The following NTNG2 variants were observed in gnomAD, a reference collection of about 807,000 sequenced individuals.
The protein encoded by NTNG2 is netrin G2.
In NTNG2, 15 loss-of-function variants were observed where a neutral mutation model predicts 47.6. That is an observed-to-expected ratio of 0.32 (90% CI 0.21 to 0.49). The LOEUF (loss-of-function observed/expected upper bound fraction) is 0.49. Among genes scored for constraint, NTNG2 ranks in the 20% least tolerant of loss-of-function variants. The pLI, the probability that NTNG2 is intolerant of heterozygous loss-of-function variation, is 0.99. For synonymous variants in NTNG2, 307 were observed against 324.6 expected (o/e 0.95, Z 0.58); for missense variants, 578 against 764.6 (o/e 0.76, Z 2.88).
At chr9:132,204,817 T>C (rs1200272985) in intron 3 of NTNG2, among the ~76,000 whole-genome samples, 1 of 152,210 alleles carries the variant, frequency 6.6e-6, no homozygotes, top group East Asian at 1.9e-4. Context: ...GGCTCGTGCC[T>C]GTAATCCTAG....
chr9:132,187,899 C>T (rs77832141), intron 2 of NTNG2, among the ~76,000 whole-genome samples: 3,813 of 152,314 alleles, frequency 0.025, 153 homozygotes, highest in African/African-American at 0.085. Flanking sequence ...GGGTCAGAGG[C>T]GGACAGCCCA....
At chr9:132,190,232 CAAAAAAAAAAAAAAAAA>C (rs58974463) in intron 2 of NTNG2, among the ~76,000 whole-genome samples, 21 of 69,918 alleles carry the variant, frequency 3.0e-4, no homozygotes, top group Admixed American at 1.8e-3. Flanking sequence ...GACTCCATCT[CAAAAAAAAAAAAAAAAA>C]AAAAAAAAAA....
intron 2 of NTNG2, among the ~76,000 whole-genome samples, chr9:132,186,923 A>C (rs1231013817): frequency 6.6e-6 from 1 of 152,250 alleles, no homozygotes; most frequent in African/African-American, 2.4e-5. Context: ...CCCAGAGTTC[A>C]CACTCACAGA....
At chr9:132,187,653 A>AG (rs1837509508) in intron 2 of NTNG2, among the ~76,000 whole-genome samples, 2 of 152,148 alleles carry the variant, frequency 1.3e-5, no homozygotes, top group African/African-American at 4.8e-5. Context: ...AGAGACCGTC[A>AG]GGGCCGCTAG....
intron 1 of NTNG2, among the ~76,000 whole-genome samples, chr9:132,164,518 G>A (rs1261527320): frequency 6.6e-6 from 1 of 152,274 alleles, no homozygotes; most frequent in Admixed American, 6.5e-5. Context: ...ACTGCTGGAA[G>A]AATTAATTAG....
At chr9:132,207,755 G>A (rs185298583) in intron 3 of NTNG2, among the ~76,000 whole-genome samples, 23 of 152,322 alleles carry the variant, frequency 1.5e-4, no homozygotes, top group Admixed American at 2.6e-4. Context: ...TAGTGGGAGA[G>A]CAGAAATCAA....
intron 2 of NTNG2, among the ~76,000 whole-genome samples, chr9:132,169,080 C>T (rs977320777): frequency 6.6e-6 from 1 of 152,238 alleles, no homozygotes; most frequent in African/African-American, 2.4e-5. Flanking sequence ...CAGCCAGCCT[C>T]AAGCCCTGGG....
chr9:132,205,097 A>G (rs528109204), intron 3 of NTNG2, among the ~76,000 whole-genome samples: 2 of 152,306 alleles, frequency 1.3e-5, no homozygotes, highest in African/African-American at 4.8e-5. Context: ...AGATTTAGCA[A>G]TTCCGCTCCT....
chr9:132,215,238 A>T lies in NTNG2; in HGVS notation c.858-11611A>T, dbSNP rs762262520. Among the ~76,000 whole-genome samples the T allele has an allele frequency of 1.3e-5, 2 of 152,058 alleles. No individual in the cohort carries two copies. The highest frequency in any genetic ancestry group is 2.4e-5 in the African/African-American group (1 of 41,396). Reference sequence around the variant, plus strand: ...TCAGTGTCCTGTATTTTTATTTGGGAAATCTGGCAACCATTGTGGCATGGG... The same window carrying T: ...TCAGTGTCCTGTATTTTTATTTGGGTAATCTGGCAACCATTGTGGCATGGG... On this transcript the variant is annotated intron_variant, in intron 3 of 7. Transcript: ENST00000393229. The surrounding 1 kb of genome is among the most constrained non-coding windows in gnomAD (Gnocchi z 4.2).
At chr9:132,205,461 C>T (rs991745477) in intron 3 of NTNG2, among the ~76,000 whole-genome samples, 7 of 151,982 alleles carry the variant, frequency 4.6e-5, no homozygotes, top group African/African-American at 1.2e-4. Flanking sequence ...TGGGGGAAGG[C>T]GGAATGGGGG....
intron 3 of NTNG2, among the ~76,000 whole-genome samples, chr9:132,223,208 A>G (rs569912303): frequency 4.6e-5 from 7 of 152,344 alleles, no homozygotes; most frequent in Non-Finnish European, 5.9e-5. Flanking sequence ...CCAAGGAGGA[A>G]GGCAGCCCTG....
chr9:132,205,921 A>C (rs1410495941), intron 3 of NTNG2, among the ~76,000 whole-genome samples: 1 of 152,160 alleles, frequency 6.6e-6, no homozygotes, highest in Non-Finnish European at 1.5e-5. Flanking sequence ...ATATACGTAT[A>C]TTTTAGCACA....
rs1359306379 is a variant in NTNG2, at chr9:132,224,587, C to T, written c.858-2262C>T. 2.0e-5 allele frequency among the ~76,000 whole-genome samples: 3 copies of T among 152,154 alleles called. No homozygotes were observed. In the East Asian group the frequency reaches 5.8e-4, roughly 29 times the overall value. On this transcript the variant is annotated intron_variant, in intron 3 of 7. Coordinates refer to ENST00000393229, the MANE Select transcript of NTNG2 (RefSeq NM_032536.4). ...TACTCACTGTTCCCAGCTCAGAGCC[C>T]CTGCCACATAACAGGTGCCTGATAA...
intron 4 of NTNG2, 133 bp downstream of exon 4, chr9:132,227,154 C>A: frequency 1.0e-6 from 1 of 987,000 alleles, no homozygotes; most frequent in East Asian, 2.8e-5. Context: ...TGCATGCAAA[C>A]GTGCACACAG....
intron 4 of NTNG2, among the ~76,000 whole-genome samples, chr9:132,228,732 G>GT (rs1261110334): frequency 6.6e-6 from 1 of 152,004 alleles, no homozygotes; most frequent in Non-Finnish European, 1.5e-5. Context: ...TAATTTTCGT[G>GT]TTTTTTTCAG....
At chr9:132,196,176 T>C (rs1838299440) in intron 2 of NTNG2, among the ~76,000 whole-genome samples, 1 of 152,208 alleles carries the variant, frequency 6.6e-6, no homozygotes, top group African/African-American at 2.4e-5. Flanking sequence ...TTGTTTGTTT[T>C]GTTTTGTTTT....
intron 3 of NTNG2, among the ~76,000 whole-genome samples, chr9:132,219,486 T>C (rs1840209956): frequency 6.9e-6 from 1 of 145,438 alleles, no homozygotes; most frequent in African/African-American, 2.6e-5. Context: ...GGCAGGAGAA[T>C]CACTTGAACC....
At chr9:132,175,133 C>T (rs1037950681) in intron 2 of NTNG2, among the ~76,000 whole-genome samples, 3 of 151,800 alleles carry the variant, frequency 2.0e-5, no homozygotes, top group Non-Finnish European at 4.4e-5. Flanking sequence ...CCAGGTGATT[C>T]GAGGGGAAAG....
In NTNG2 at chr9:132,198,176, G is replaced by A. The variant is rs1315988235; in HGVS notation, c.424G>A (p.Glu142Lys). ...ELTDDVVMTFEYGRPTVMVLE... is the reference protein window; with the variant it reads ...ELTDDVVMTFKYGRPTVMVLE... ...GACCGACGACGTGGTGATGACCTTCGAGTACGGCCGGCCCACGGTCATGGT... is the reference window on the plus strand; with the variant it reads ...GACCGACGACGTGGTGATGACCTTCAAGTACGGCCGGCCCACGGTCATGGT... Residue 142 changes from glutamate (E) to lysine (K), a missense_variant, in exon 3 of 8, where the codon GAG becomes AAG. Transcript: ENST00000393229. 13 of 1,613,468 alleles carry A rather than the reference G, an allele frequency of 8.1e-6. No homozygotes were observed. Among genetic ancestry groups the A allele is most frequent in the Non-Finnish European group, 1.0e-5 (12 of 1,180,034 alleles).
Sources: gnomAD v4.1 joint callset for allele counts (sites outside exome capture counted in the v4.1 genomes callset) on GRCh38, gnomAD v4.1.1 for gene constraint, Gnocchi (gnomAD v3.1) non-coding constraint, MANE v1.5 for transcripts, NCBI Gene and HGNC (gene_info 2026-07-23, HGNC 2026-07-21) for gene names.